Variants in CSMD3 observed in about 807,000 individuals in gnomAD.
CSMD3 encodes the protein CUB and Sushi multiple domains 3.
A neutral mutation model predicts 435.2 loss-of-function variants in CSMD3; 177 were observed. The observed-to-expected ratio is 0.41, with a 90% CI of 0.36 to 0.46. The LOEUF (loss-of-function observed/expected upper bound fraction) is 0.46, where lower values mean the gene tolerates loss of function less well. Among genes scored for constraint, CSMD3 ranks in the 20% least tolerant of loss-of-function variants. CSMD3 has a pLI of 0.34. For synonymous variants in CSMD3, 1,656 were observed against 1,520.5 expected, an observed-to-expected ratio of 1.09 and a Z score of -2.07; for missense variants, 4,265 against 4,504.6, an observed-to-expected ratio of 0.95 and a Z score of 1.52.
At position 112,638,818 on chromosome 8, in the gene CSMD3, C is replaced by G. The variant is rs143602091; in HGVS notation, c.3404G>C (p.Arg1135Pro). ...TGGAGGAAGATCTGAACCAGTCAGG[C>G]GTGCCAGTGGTTGGGTAAAACTGCC... The part of the protein sequence containing the change: ...ENGSFTQPLA[R>P]LTGSDLPPTI... The change falls in exon 21 of 71, where the codon CGC becomes CCC. Residue 1135 changes from arginine to proline, a missense_variant. Arg to Pro is a moderately radical substitution (Grantham distance 103). Around this residue, in one of 3 missense-constraint regions of CSMD3, gnomAD observed 3,255 missense variants for 3,380.2 expected, o/e 0.96. Coordinates refer to ENST00000297405, the MANE Select transcript of CSMD3 (RefSeq NM_198123.2). 6.2e-7 allele frequency: 1 copy of G among 1,612,054 alleles called. No homozygotes were observed. Among genetic ancestry groups the G allele is most frequent in the African/African-American group, 1.3e-5 (1 of 74,770 alleles).
intron 3 of CSMD3, among the ~76,000 whole-genome samples, chr8:113,242,928 T>C (rs1441713490): frequency 2.0e-5 from 3 of 151,944 alleles, no homozygotes; most frequent in Admixed American, 6.6e-5. Flanking sequence ...TGGCTTTCTA[T>C]AAATTTAAAA....
At chr8:113,165,632 C>T (rs1173971556) in intron 4 of CSMD3, among the ~76,000 whole-genome samples, 2 of 151,434 alleles carry the variant, frequency 1.3e-5, no homozygotes, top group African/African-American at 2.4e-5. Context: ...ATCATTCCAT[C>T]GAAGAAATAA....
At chr8:112,319,879 G>A (rs201197900) in intron 46 of CSMD3, 22 bp downstream of exon 46, 27 of 1,548,644 alleles carry the variant, frequency 1.7e-5, no homozygotes, top group Middle Eastern at 1.7e-4. Flanking sequence ...TGTTTTCCTT[G>A]AAAATAATTT....
At chr8:113,249,830 G>A (rs1233789447) in intron 3 of CSMD3, among the ~76,000 whole-genome samples, 2 of 150,714 alleles carry the variant, frequency 1.3e-5, no homozygotes, top group Non-Finnish European at 3.0e-5. Context: ...TATGGCAATA[G>A]TATTCAAGAA....
intron 54 of CSMD3, among the ~76,000 whole-genome samples, chr8:112,295,287 A>C (rs1386306779): frequency 2.6e-5 from 4 of 152,124 alleles, no homozygotes; most frequent in African/African-American, 9.7e-5. Context: ...TAAACACTGC[A>C]TTAGCTCACA....
intron 13 of CSMD3, among the ~76,000 whole-genome samples, chr8:112,699,398 A>T (rs563549758): frequency 2.6e-5 from 4 of 152,236 alleles, no homozygotes; most frequent in Non-Finnish European, 5.9e-5. Context: ...AGTCGGCAAG[A>T]CCTAGAACCC....
chr8:113,120,999 G>A (rs2090969616), intron 4 of CSMD3, among the ~76,000 whole-genome samples: 1 of 152,116 alleles, frequency 6.6e-6, no homozygotes, highest in Admixed American at 6.6e-5. Flanking sequence ...CCATCCAAAT[G>A]TCAGTTAGCC....
chr8:113,119,577 G>A (rs1200178817), intron 4 of CSMD3, among the ~76,000 whole-genome samples: 1 of 152,236 alleles, frequency 6.6e-6, no homozygotes, highest in South Asian at 2.1e-4. Flanking sequence ...AGAAACCAAA[G>A]ACATAAAAAC....
chr8:112,659,820 T>C (rs749635963), intron 17 of CSMD3, among the ~76,000 whole-genome samples: 1 of 152,194 alleles, frequency 6.6e-6, no homozygotes, highest in African/African-American at 2.4e-5. Context: ...AGAAATCATA[T>C]TTCTTGTAGT....
rs2131786091 is a variant in CSMD3, at chr8:112,682,548, T to C, written c.2571A>G (p.Ser857=). The C allele has an allele frequency of 1.2e-6, 2 of 1,613,514 alleles. No individual in the cohort carries two copies. The highest frequency in any genetic ancestry group is 2.2e-5 in the East Asian group (1 of 44,820). ...GDNFQLGSSI[S]VICEEGFIKT... ...TAATAAATCCTTCTTCACAAATAAC[T>C]GAAATTGAACTTCCTAATTGAAAGT... The change falls in exon 16 of 71, where the codon TCA becomes TCG. Residue 857 remains serine (S), a synonymous_variant. Coordinates refer to ENST00000297405, the MANE Select transcript of CSMD3 (RefSeq NM_198123.2).
At position 112,250,326 on chromosome 8, in the gene CSMD3, T is replaced by C. The variant is rs568311993; in HGVS notation, c.10111-3195A>G. Among the ~76,000 whole-genome samples, 74 of 151,986 alleles carry C rather than the reference T, an allele frequency of 4.9e-4. 1 individual carries two copies. The highest frequency in any genetic ancestry group is 1.6e-3 in the African/African-American group (67 of 41,558). ...AAATCTGTTTTAATATTTTTCTGTG[T>C]ATCACCAACACATCTAATAAGATTT... On this transcript the variant is annotated intron_variant, in intron 63 of 70. Transcript: ENST00000297405.
At chr8:113,145,837 T>A (rs1260555609) in intron 4 of CSMD3, among the ~76,000 whole-genome samples, 1 of 151,542 alleles carries the variant, frequency 6.6e-6, no homozygotes, top group African/African-American at 2.4e-5. Flanking sequence ...TGAGTCCCTA[T>A]TTTTTCCCTA....
At chr8:112,683,748 T>G (rs1200739262) in intron 15 of CSMD3, among the ~76,000 whole-genome samples, 1 of 151,966 alleles carries the variant, frequency 6.6e-6, no homozygotes, top group Non-Finnish European at 1.5e-5. Context: ...ACTGCATTAG[T>G]ACATGCAGTG....
chr8:112,607,873 C>T (rs1832922470), intron 22 of CSMD3, among the ~76,000 whole-genome samples: 1 of 152,038 alleles, frequency 6.6e-6, no homozygotes, highest in South Asian at 2.1e-4. Context: ...AAGCTAAAAG[C>T]TTGCCCAACA....
chr8:113,202,982 C>T (rs769124778), intron 3 of CSMD3, among the ~76,000 whole-genome samples: 5 of 152,080 alleles, frequency 3.3e-5, no homozygotes, highest in African/African-American at 4.8e-5. Context: ...AATAAGATTT[C>T]GCTGGTGACT....
At chr8:113,258,701 G>A (rs1371643656) in intron 3 of CSMD3, among the ~76,000 whole-genome samples, 1 of 152,088 alleles carries the variant, frequency 6.6e-6, no homozygotes, top group East Asian at 1.9e-4. Context: ...AAGGCTTAAC[G>A]GAGCAGAGGA....
chr8:112,650,633 C>T (rs575494481), intron 18 of CSMD3, among the ~76,000 whole-genome samples: 2 of 152,142 alleles, frequency 1.3e-5, no homozygotes, highest in South Asian at 4.1e-4. Flanking sequence ...ACACATATAT[C>T]ACAATAATCA....
intron 3 of CSMD3, among the ~76,000 whole-genome samples, chr8:113,194,674 T>C (rs1215856724): frequency 6.6e-6 from 1 of 151,212 alleles, no homozygotes; most frequent in Non-Finnish European, 1.5e-5. Flanking sequence ...TTCTGTATTT[T>C]CTGCTCAATT....
chr8:112,451,961 TC>T (rs1816335549), intron 32 of CSMD3, among the ~76,000 whole-genome samples: 1 of 152,188 alleles, frequency 6.6e-6, no homozygotes, highest in African/African-American at 2.4e-5. Context: ...TACTAACGTT[TC>T]CCATAACATC....
Sources: allele counts gnomAD v4.1 joint callset (sites outside exome capture counted in the v4.1 genomes callset), GRCh38; gene constraint gnomAD v4.1.1; regional missense constraint gnomAD v4.1.1; transcripts MANE v1.5; gene names NCBI Gene and HGNC (gene_info 2026-07-23, HGNC 2026-07-21).